The following NMD3 variants were observed in gnomAD, a reference collection of about 807,000 sequenced individuals.
NMD3 encodes NMD3 ribosome export adaptor, also known as 60S ribosomal export protein NMD3.
A neutral mutation model predicts 73.1 loss-of-function variants in NMD3; 47 were observed. The ratio of observed to expected loss-of-function variants is 0.64; its 90% CI spans 0.51 to 0.82. The LOEUF (loss-of-function observed/expected upper bound fraction) is 0.82, where lower values mean the gene tolerates loss of function less well. Among genes scored for constraint, NMD3 ranks in the 40% least tolerant of loss-of-function variants. NMD3 has a pLI of 0.00. For missense variants in NMD3, 554 were observed against 612.5 expected (o/e 0.90, Z 1.01); for synonymous variants, 210 against 194.5 (o/e 1.08, Z -0.66).
chr3:161,239,626 C>T (rs1736894836), intron 9 of NMD3, among the ~76,000 whole-genome samples: 1 of 152,090 alleles, frequency 6.6e-6, no homozygotes, highest in Non-Finnish European at 1.5e-5. Context: ...AGATAACTTG[C>T]CCAAAGTTAC....
At chr3:161,244,031 A>G (rs1169990460) in intron 11 of NMD3, among the ~76,000 whole-genome samples, 1 of 152,048 alleles carries the variant, frequency 6.6e-6, no homozygotes, top group African/African-American at 2.4e-5. Context: ...TGAATTTTCT[A>G]TTTCTATTCT....
chr3:161,238,765 T>G lies in NMD3; in HGVS notation c.692T>G (p.Ile231Ser), dbSNP rs780013225. ...KASQRLISQDIHSNTYNYKST... is the reference protein window; with the variant it reads ...KASQRLISQDSHSNTYNYKST... ...TCACAAAGACTGATCTCTCAAGATATCCATAGTAACACATACAATTACAAA... is the reference window on the plus strand; with the variant it reads ...TCACAAAGACTGATCTCTCAAGATAGCCATAGTAACACATACAATTACAAA... Residue 231 changes from isoleucine (I) to serine (S), a missense_variant, in exon 9 of 16, where the codon ATC (isoleucine) becomes AGC (serine). By Grantham distance (142) the Ile-to-Ser change is moderately radical. Transcript: ENST00000351193. 2 of 1,579,264 alleles carry G rather than the reference T, an allele frequency of 1.3e-6. No homozygotes were observed. Among genetic ancestry groups the G allele is most frequent in the African/African-American group, 2.7e-5 (2 of 73,646 alleles).
intron 4 of NMD3, among the ~76,000 whole-genome samples, chr3:161,231,940 G>A (rs1736560488): frequency 6.6e-6 from 1 of 152,032 alleles, no homozygotes; most frequent in Non-Finnish European, 1.5e-5. Context: ...ATGGGAAATA[G>A]GGGTGACTGA....
intron 4 of NMD3, among the ~76,000 whole-genome samples, chr3:161,231,284 A>G (rs956525515): frequency 6.6e-6 from 1 of 152,184 alleles, no homozygotes; most frequent in East Asian, 1.9e-4. Context: ...AATAAGCTGG[A>G]AAGATGGGAG....
rs373214006 is a variant in NMD3 at position 161,238,150 on chromosome 3, T to C, written c.615T>C (p.Ala205=). Residue 205 remains alanine (A), a synonymous_variant, in exon 8 of 16, where the codon GCT becomes GCC. Coordinates refer to ENST00000351193, the MANE Select transcript of NMD3 (RefSeq NM_015938.5). ...LDFYYSSKQH[A]QKMVEFLQCT... Reference sequence around the variant, plus strand: ...TTTATTATTCCTCAAAACAACATGCTCAGAAGATGGTCGAATTTCTTCAGT... The same window carrying C: ...TTTATTATTCCTCAAAACAACATGCCCAGAAGATGGTCGAATTTCTTCAGT... The C allele has an allele frequency of 1.4e-4, 224 of 1,604,764 alleles. No homozygotes were observed. Among genetic ancestry groups the C allele is most frequent in the Admixed American group, 2.9e-4 (17 of 59,126 alleles).
chr3:161,242,947 A>AC (rs1737051217), intron 11 of NMD3, among the ~76,000 whole-genome samples: 1 of 152,136 alleles, frequency 6.6e-6, no homozygotes, highest in Non-Finnish European at 1.5e-5. Context: ...ATAGAGGAGG[A>AC]CCTTTATTTT....
chr3:161,232,198 A>G (rs1736571975), intron 4 of NMD3, among the ~76,000 whole-genome samples: 1 of 141,544 alleles, frequency 7.1e-6, no homozygotes, highest in African/African-American at 2.7e-5. Flanking sequence ...GAATCTGCCT[A>G]TCACCCTGTG....
At chr3:161,235,345 A>AC in intron 7 of NMD3, 133 bp downstream of exon 7, 3 of 471,102 alleles carry the variant, frequency 6.4e-6, no homozygotes, top group Non-Finnish European at 1.1e-5. Flanking sequence ...AAAAAAAAAA[A>AC]ACAACTTAAT....
At position 161,234,774 on chromosome 3, in the gene NMD3, T is replaced by A; in HGVS notation, c.405T>A (p.Val135=). Residue 135 remains valine, a synonymous_variant, in exon 6 of 16, where the codon GTT becomes GTA. Coordinates refer to ENST00000351193, the MANE Select transcript of NMD3 (RefSeq NM_015938.5). ...ILQQVFVVDY[V]VQSQMCGDCH... ...AACAAGTGTTTGTGGTGGATTATGT[T>A]GTTCAGTCCCAAATGTGTGGAGATT... 6.2e-7 allele frequency: 1 copy of A among 1,613,250 alleles called. No homozygotes were observed. The highest frequency in any genetic ancestry group is 8.5e-7 in the Non-Finnish European group (1 of 1,179,386).
chr3:161,240,356 T>G (rs542704830), intron 9 of NMD3, among the ~76,000 whole-genome samples: 1 of 152,268 alleles, frequency 6.6e-6, no homozygotes, highest in Non-Finnish European at 1.5e-5. Flanking sequence ...TTGAAGTTTA[T>G]TTTTTAATGG....
At chr3:161,252,743 G>A (rs1480584255), downstream of NMD3, 2 of 663,530 alleles carry the variant, frequency 3.0e-6, no homozygotes, top group African/African-American at 3.6e-5. Flanking sequence ...TAATTTACAA[G>A]TCATTATGAC....
chr3:161,238,739 A>G lies in NMD3; in HGVS notation c.666A>G (p.Ala222=). 6.5e-7 allele frequency: 1 copy of G among 1,527,480 alleles called. No individual in the cohort carries two copies. Among genetic ancestry groups the G allele is most frequent in the Non-Finnish European group, 9.1e-7 (1 of 1,104,030 alleles). 94.6% of individuals were successfully genotyped at this position (1,527,480 alleles called of 1,614,324 possible). A position where few individuals can be genotyped will look rare whatever the true frequency, so the allele number is the denominator to read the frequency against. The change falls in exon 9 of 16, where the codon GCA becomes GCG. Residue 222 remains alanine, a synonymous_variant. Transcript: ENST00000351193. ...ACTTTTTTCTTAATAGATACAAAGCATCACAAAGACTGATCTCTCAAGATA... is the reference window on the plus strand; with the variant it reads ...ACTTTTTTCTTAATAGATACAAAGCGTCACAAAGACTGATCTCTCAAGATA... The part of the protein sequence containing the change: ...LQCTVPCRYK[A]SQRLISQDIH...
intron 7 of NMD3, chr3:161,235,468 C>G: frequency 4.1e-6 from 1 of 246,060 alleles, no homozygotes; most frequent in Non-Finnish European, 7.8e-6. Flanking sequence ...CTGCTAATGT[C>G]AAACATAATT....
chr3:161,246,796 ACTATATATATACAAAGGG>A (rs1250134649), intron 12 of NMD3, among the ~76,000 whole-genome samples: 1 of 152,222 alleles, frequency 6.6e-6, no homozygotes, highest in Non-Finnish European at 1.5e-5. Flanking sequence ...AGATATGACA[ACTATATATATACAAAGGG>A]CTTGTAAAGG....
At chr3:161,247,699 G>C (rs1737280495) in intron 13 of NMD3, among the ~76,000 whole-genome samples, 1 of 151,092 alleles carries the variant, frequency 6.6e-6, no homozygotes. Flanking sequence ...TGAGGTAGGA[G>C]AATTGCCTGA....
At chr3:161,242,389 C>A (rs1007435882) in intron 10 of NMD3, 119 bp from the exon 11 acceptor site, 1 of 832,208 alleles carries the variant, frequency 1.2e-6, no homozygotes, top group African/African-American at 1.7e-5. Context: ...TGAGTTGACA[C>A]TAGTTCTGTT....
At chr3:161,222,710 A>G (rs994839336) in intron 2 of NMD3, among the ~76,000 whole-genome samples, 3 of 152,216 alleles carry the variant, frequency 2.0e-5, no homozygotes, top group African/African-American at 7.2e-5. Flanking sequence ...TAAATCTAAA[A>G]TAAATTGGCT....
chr3:161,239,224 A>C (rs928756059), intron 9 of NMD3, among the ~76,000 whole-genome samples: 3 of 152,194 alleles, frequency 2.0e-5, no homozygotes, highest in Non-Finnish European at 4.4e-5. Context: ...AAATGAAAGA[A>C]TATTGTGATA....
chr3:161,234,604 G>T, intron 5 of NMD3, 123 bp from the exon 6 acceptor site: 2 of 678,674 alleles, frequency 2.9e-6, no homozygotes, highest in South Asian at 5.5e-5. Context: ...GAGGACATTT[G>T]ATTGATGTCC....
Sources: gnomAD v4.1 joint callset for allele counts (sites outside exome capture counted in the v4.1 genomes callset) on GRCh38, gnomAD v4.1.1 for gene constraint, MANE v1.5 for transcripts, NCBI Gene and HGNC (gene_info 2026-07-23, HGNC 2026-07-21) for gene names.